LMLN: variants seen among roughly 807,000 people sequenced by gnomAD.
LMLN encodes leishmanolysin like peptidase, also known as leishmanolysin-like peptidase.
LMLN carries 70 observed loss-of-function variants against 92.3 expected under a neutral mutation model. The ratio of observed to expected loss-of-function variants is 0.76; its 90% CI spans 0.63 to 0.92. The LOEUF is 0.92. LMLN is among the 40% of genes least tolerant of loss of function. The probability of loss-of-function intolerance (pLI) is 0.00; values close to 1 mark genes in which losing one functional copy is unlikely to be tolerated. For synonymous variants in LMLN, 308 were observed against 296.2 expected (o/e 1.04, Z -0.41); for missense variants, 691 against 814.6 (o/e 0.85, Z 1.85).
In LMLN at chr3:198,031,717, A is replaced by T. The variant is rs192301199; in HGVS notation, c.1657-4116A>T. Reference sequence around the variant, plus strand: ...TAAATTCTTAATTTTAACTTCGCATACCACATCCTCATCTGCCACAAGCCC... The same window carrying T: ...TAAATTCTTAATTTTAACTTCGCATTCCACATCCTCATCTGCCACAAGCCC... On this transcript the variant is annotated intron_variant, in intron 14 of 15. Coordinates refer to ENST00000330198, the Ensembl canonical transcript of LMLN. This position sits in a 1 kb window ranked among gnomAD's most constrained non-coding sequence, Gnocchi z 4.8. 5.4e-4 allele frequency among the ~76,000 whole-genome samples: 82 copies of T among 152,208 alleles called. No homozygotes were observed. In the East Asian group the frequency reaches 6.0e-3, roughly 11 times the overall value.
chr3:197,989,232 A>C (rs1488655976), intron 8 of LMLN, among the ~76,000 whole-genome samples: 3 of 152,180 alleles, frequency 2.0e-5, no homozygotes, highest in African/African-American at 4.8e-5. Flanking sequence ...TTCTACGGAG[A>C]TTCATCAATT....
intron 11 of LMLN, among the ~76,000 whole-genome samples, chr3:198,018,456 C>T (rs1482584123): frequency 6.6e-6 from 1 of 152,160 alleles, no homozygotes; most frequent in Non-Finnish European, 1.5e-5. Context: ...TGAACCCAGA[C>T]CTGTGTGACG....
At chr3:197,969,144 C>T (rs1338987038) in intron 1 of LMLN, among the ~76,000 whole-genome samples, 5 of 151,656 alleles carry the variant, frequency 3.3e-5, no homozygotes, top group East Asian at 3.9e-4. Context: ...TGCAATAGCA[C>T]GATCACTGCT....
chr3:197,966,101 G>C (rs1269196794), intron 1 of LMLN, among the ~76,000 whole-genome samples: 1 of 152,168 alleles, frequency 6.6e-6, no homozygotes, highest in Non-Finnish European at 1.5e-5. Flanking sequence ...GGAGTGCAGT[G>C]ACACAATCTT....
At chr3:197,973,204 A>G (rs1264075035) in intron 1 of LMLN, among the ~76,000 whole-genome samples, 1 of 151,986 alleles carries the variant, frequency 6.6e-6, no homozygotes, top group Non-Finnish European at 1.5e-5. Flanking sequence ...ATGGATTGCT[A>G]AAATGTACCA....
At chr3:197,973,165 G>A (rs769972839) in intron 1 of LMLN, among the ~76,000 whole-genome samples, 4 of 152,026 alleles carry the variant, frequency 2.6e-5, no homozygotes, top group East Asian at 1.9e-4. Context: ...ACTTTGTAAT[G>A]TGTTATCTGT....
chr3:197,963,963 G>A (rs1404892925), intron 1 of LMLN, among the ~76,000 whole-genome samples: 2 of 152,150 alleles, frequency 1.3e-5, no homozygotes, highest in Admixed American at 1.3e-4. Context: ...CTGGTTTCCC[G>A]AGGGTTTTTA....
chr3:198,008,810 ATTTT>A (rs894684190), intron 11 of LMLN, among the ~76,000 whole-genome samples: 9 of 152,170 alleles, frequency 5.9e-5, no homozygotes, highest in Non-Finnish European at 8.8e-5. Flanking sequence ...AGTTCAAAAT[ATTTT>A]TCTCTTTTAA....
At chr3:198,024,696 C>T (rs936542069) in exon 14 of LMLN, 1 of 1,610,610 alleles carries the variant, frequency 6.2e-7, no homozygotes. Context: ...GTATGGACCT[C>T]ATTCCGTTTG....
chr3:197,994,827 C>T (rs1721972866), intron 9 of LMLN: 1 of 152,174 alleles, frequency 6.6e-6, no homozygotes, highest in South Asian at 2.1e-4. Context: ...AATAGAATTA[C>T]CATATGCTCC....
At chr3:197,976,223 T>G in intron 4 of LMLN, 112 bp downstream of exon 4, 1 of 608,080 alleles carries the variant, frequency 1.6e-6, no homozygotes, top group Non-Finnish European at 2.9e-6. Flanking sequence ...TTATGCTTGT[T>G]CTTAGGGACC....
intron 13 of LMLN, 29 bp from the exon 15 acceptor site, chr3:198,024,629 T>C: frequency 6.5e-7 from 1 of 1,532,978 alleles, no homozygotes; most frequent in Non-Finnish European, 8.7e-7. Flanking sequence ...AAAGTCAATT[T>C]TTAAGGAGAC....
chr3:197,966,045 G>C (rs1721049248), intron 1 of LMLN, among the ~76,000 whole-genome samples: 1 of 152,058 alleles, frequency 6.6e-6, no homozygotes, highest in Admixed American at 6.6e-5. Context: ...TTTGTTTATT[G>C]CATGTTTTTA....
exon 10 of LMLN, chr3:197,996,181 G>C: frequency 6.4e-7 from 1 of 1,554,282 alleles, no homozygotes; most frequent in Non-Finnish European, 8.7e-7. Flanking sequence ...TTAGGAGGAA[G>C]CACGAAAACA....
At chr3:197,980,178 A>G (rs1218862062) in intron 5 of LMLN, 148 bp from the exon 6 acceptor site, 1 of 572,934 alleles carries the variant, frequency 1.7e-6, no homozygotes, top group Admixed American at 3.1e-5. Context: ...TATTGAGTAG[A>G]CAGGGAGGTA....
intron 7 of LMLN, among the ~76,000 whole-genome samples, chr3:197,985,428 G>C (rs974481648): frequency 1.4e-4 from 18 of 127,296 alleles, no homozygotes; most frequent in South Asian, 2.6e-4. Flanking sequence ...CACACACACA[G>C]AGCAAACAGG....
chr3:197,964,845 A>G (rs1450605562), intron 1 of LMLN, among the ~76,000 whole-genome samples: 1 of 151,966 alleles, frequency 6.6e-6, no homozygotes, highest in Non-Finnish European at 1.5e-5. Context: ...TGTCTCTACT[A>G]AAAATACAAA....
intron 11 of LMLN, among the ~76,000 whole-genome samples, chr3:198,006,561 G>C (rs568715296): frequency 4.6e-5 from 7 of 152,146 alleles, no homozygotes; most frequent in African/African-American, 1.2e-4. Context: ...AGCATTTGGC[G>C]TTGTCACAAT....
At chr3:198,024,505 G>A (rs1279034517) in intron 13 of LMLN, among the ~76,000 whole-genome samples, 153 bp from the exon 15 acceptor site, 7 of 152,236 alleles carry the variant, frequency 4.6e-5, no homozygotes, top group South Asian at 4.1e-4. Flanking sequence ...GTGAGCCACC[G>A]TGCCCAGCCT....
Sources: gnomAD v4.1 joint callset for allele counts (sites outside exome capture counted in the v4.1 genomes callset) on GRCh38, gnomAD v4.1.1 for gene constraint, Gnocchi (gnomAD v3.1) non-coding constraint, MANE v1.5 for transcripts, NCBI Gene and HGNC (gene_info 2026-07-23, HGNC 2026-07-21) for gene names.